The following KCNK13 variants were observed in gnomAD, a reference collection of about 807,000 sequenced individuals.
KCNK13 encodes potassium channel subfamily K member 13.
KCNK13 carries 12 observed loss-of-function variants against 23.4 expected under a neutral mutation model. The observed-to-expected ratio is 0.51, with a 90% confidence interval of 0.33 to 0.83. The LOEUF (loss-of-function observed/expected upper bound fraction) is 0.83. KCNK13 is among the 40% of genes least tolerant of loss of function. KCNK13 has a pLI of 0.02. For missense variants in KCNK13, 463 were observed against 556.3 expected (o/e 0.83, Z 1.69); for synonymous variants, 231 against 229.5 (o/e 1.01, Z -0.06).
intron 1 of KCNK13, among the ~76,000 whole-genome samples, chr14:90,128,325 A>C (rs187838613): frequency 1.8e-4 from 27 of 152,350 alleles, no homozygotes; most frequent in Non-Finnish European, 7.3e-5. Context: ...ACAAACAAAC[A>C]AACAAACAAA....
chr14:90,168,996 T>C (rs1890335526), intron 1 of KCNK13, among the ~76,000 whole-genome samples: 3 of 152,206 alleles, frequency 2.0e-5, no homozygotes, highest in African/African-American at 7.2e-5. Flanking sequence ...CCACCATGAT[T>C]GTGAAGCCTC....
chr14:90,093,040 T>C (rs1566950172), intron 1 of KCNK13, among the ~76,000 whole-genome samples: 1 of 151,392 alleles, frequency 6.6e-6, no homozygotes, highest in Non-Finnish European at 1.5e-5. Context: ...GGGTGGACAC[T>C]CCAAATAGGG....
chr14:90,147,485 C>G (rs80153365), intron 1 of KCNK13, among the ~76,000 whole-genome samples: 9,869 of 152,070 alleles, frequency 0.065, 413 homozygotes, highest in South Asian at 0.21. Context: ...TTTGTGTACA[C>G]TTAATATTTG....
intron 1 of KCNK13, among the ~76,000 whole-genome samples, chr14:90,103,891 C>T (rs1889511231): frequency 6.6e-6 from 1 of 152,088 alleles, no homozygotes; most frequent in African/African-American, 2.4e-5. Flanking sequence ...TGTTGTTTCT[C>T]TCTCTCTCCT....
At chr14:90,063,647 C>A (rs1888972784) in intron 1 of KCNK13, among the ~76,000 whole-genome samples, 1 of 152,110 alleles carries the variant, frequency 6.6e-6, no homozygotes, top group African/African-American at 2.4e-5. Flanking sequence ...TAGCTACTGC[C>A]CCTGTGCACT....
chr14:90,124,753 G>A (rs1889777135), intron 1 of KCNK13, among the ~76,000 whole-genome samples: 1 of 152,246 alleles, frequency 6.6e-6, no homozygotes, highest in Non-Finnish European at 1.5e-5. Flanking sequence ...CTGTAGGAGT[G>A]TGAGATTATA....
At chr14:90,142,915 C>T (rs182061548) in intron 1 of KCNK13, among the ~76,000 whole-genome samples, 1 of 152,128 alleles carries the variant, frequency 6.6e-6, no homozygotes, top group Non-Finnish European at 1.5e-5. Context: ...AAGGACTATA[C>T]GTTTCTAGGG....
At chr14:90,144,252 G>T (rs1326272554) in intron 1 of KCNK13, among the ~76,000 whole-genome samples, 1 of 152,082 alleles carries the variant, frequency 6.6e-6, no homozygotes, top group Non-Finnish European at 1.5e-5. Context: ...AGTTTTCAGT[G>T]TACTGGTCTT....
intron 1 of KCNK13, among the ~76,000 whole-genome samples, chr14:90,121,145 G>T (rs1252315868): frequency 6.6e-6 from 1 of 152,176 alleles, no homozygotes; most frequent in African/African-American, 2.4e-5. Flanking sequence ...TAGGTTTCTG[G>T]CTCACTACTG....
chr14:90,163,269 C>T (rs1463119352), intron 1 of KCNK13, among the ~76,000 whole-genome samples: 1 of 152,180 alleles, frequency 6.6e-6, no homozygotes, highest in Non-Finnish European at 1.5e-5. Context: ...ACAGAACAAT[C>T]CTTAAGGAAG....
At chr14:90,179,751 A>G (rs1566653538) in intron 1 of KCNK13, among the ~76,000 whole-genome samples, 1 of 152,192 alleles carries the variant, frequency 6.6e-6, no homozygotes, top group African/African-American at 2.4e-5. Flanking sequence ...TGTCAGTTTC[A>G]TTTGTATACC....
chr14:90,065,394 T>C (rs1005214643), intron 1 of KCNK13, among the ~76,000 whole-genome samples: 19 of 152,176 alleles, frequency 1.2e-4, no homozygotes, highest in African/African-American at 4.6e-4. Context: ...TTTGTCTTAG[T>C]TTGGGTTCCC....
intron 1 of KCNK13, among the ~76,000 whole-genome samples, chr14:90,138,348 C>T (rs1331029209): frequency 6.6e-6 from 1 of 152,180 alleles, no homozygotes; most frequent in Non-Finnish European, 1.5e-5. Flanking sequence ...GAAACATGTA[C>T]TACCATTTTG....
chr14:90,106,842 C>T (rs12897769), intron 1 of KCNK13, among the ~76,000 whole-genome samples: 4,655 of 151,372 alleles, frequency 0.031, 111 homozygotes, highest in Non-Finnish European at 0.045. Flanking sequence ...GCCAACATGG[C>T]GAAACCCCGT....
intron 1 of KCNK13, among the ~76,000 whole-genome samples, chr14:90,158,554 C>T (rs1278506260): frequency 2.0e-5 from 3 of 152,222 alleles, no homozygotes; most frequent in Non-Finnish European, 4.4e-5. Flanking sequence ...GAATGGTTTA[C>T]AGCCTTGTTT....
chr14:90,166,827 A>T (rs1566650435), intron 1 of KCNK13, among the ~76,000 whole-genome samples: 1 of 152,166 alleles, frequency 6.6e-6, no homozygotes, highest in Non-Finnish European at 1.5e-5. Context: ...GGATGATGGC[A>T]TGAGCAGAAT....
At chr14:90,135,064 C>T (rs1199024000) in intron 1 of KCNK13, among the ~76,000 whole-genome samples, 2 of 152,204 alleles carry the variant, frequency 1.3e-5, no homozygotes, top group Non-Finnish European at 2.9e-5. Flanking sequence ...TTACATTGCA[C>T]GTTGTTAAAT....
chr14:90,073,393 C>T (rs1889099493), intron 1 of KCNK13, among the ~76,000 whole-genome samples: 1 of 152,178 alleles, frequency 6.6e-6, no homozygotes, highest in South Asian at 2.1e-4. Flanking sequence ...GAGGGGTACC[C>T]GCCCCCAGGA....
intron 1 of KCNK13, among the ~76,000 whole-genome samples, chr14:90,163,154 T>G (rs1056658719): frequency 1.3e-5 from 2 of 152,334 alleles, no homozygotes; most frequent in Admixed American, 6.5e-5. Context: ...ATGTAGTAGA[T>G]GCTTTACTAA....
Sources: allele counts gnomAD v4.1 joint callset (sites outside exome capture counted in the v4.1 genomes callset), GRCh38; gene constraint gnomAD v4.1.1; transcripts MANE v1.5; gene names NCBI Gene and HGNC (gene_info 2026-07-23, HGNC 2026-07-21).